The following FAF1 variants were observed in gnomAD, a reference collection of about 807,000 sequenced individuals.
FAF1 encodes the protein FAS-associated factor 1.
FAF1 carries 25 observed loss-of-function variants against 92.5 expected under a neutral mutation model. The observed-to-expected ratio is 0.27, with a 90% CI of 0.20 to 0.38. The LOEUF is 0.38. FAF1 is among the 10% of genes least tolerant of loss of function. The pLI is 1.00. For missense variants in FAF1, 636 were observed against 793.3 expected, an observed-to-expected ratio of 0.80 and a Z score of 2.38; for synonymous variants, 234 against 273.2, an observed-to-expected ratio of 0.86 and a Z score of 1.42.
At chr1:50,637,716 T>TGC (rs1454071300) in intron 8 of FAF1, among the ~76,000 whole-genome samples, 2 of 149,880 alleles carry the variant, frequency 1.3e-5, no homozygotes, top group African/African-American at 4.9e-5. Flanking sequence ...TGTGTGTGCG[T>TGC]GTGCATATGT....
intron 9 of FAF1, among the ~76,000 whole-genome samples, chr1:50,595,572 T>A (rs544866998): frequency 6.6e-6 from 1 of 152,088 alleles, no homozygotes; most frequent in East Asian, 2.0e-4. Flanking sequence ...AGATGCATTC[T>A]CATGCTGTTG....
intron 15 of FAF1, among the ~76,000 whole-genome samples, chr1:50,530,883 G>A (rs1648131105): frequency 6.6e-6 from 1 of 152,102 alleles, no homozygotes. Flanking sequence ...CAAACAGAAG[G>A]GGTATGATGG....
chr1:50,659,769 T>C lies in FAF1; in HGVS notation c.658-4241A>G, dbSNP rs567142652. 7.9e-5 allele frequency among the ~76,000 whole-genome samples: 12 copies of C among 152,332 alleles called. No individual in the cohort carries two copies. The South Asian group carries it at 2.3e-3, about 29-fold the overall frequency. Reference sequence around the variant, plus strand: ...CTGTATTTGGATCTAGAGTTCTAGATTGACAACAGATTTTCTAATTTGCAT... The same window carrying C: ...CTGTATTTGGATCTAGAGTTCTAGACTGACAACAGATTTTCTAATTTGCAT... On this transcript the variant is annotated intron_variant, in intron 7 of 18. Coordinates refer to ENST00000396153, the MANE Select transcript of FAF1 (RefSeq NM_007051.3).
At chr1:50,839,107 AAT>A (rs988609291) in intron 2 of FAF1, among the ~76,000 whole-genome samples, 21 of 152,238 alleles carry the variant, frequency 1.4e-4, no homozygotes, top group Middle Eastern at 3.4e-3. Flanking sequence ...CATAAAAATA[AAT>A]ATATGTTTAT....
intron 8 of FAF1, among the ~76,000 whole-genome samples, chr1:50,633,019 T>G (rs1243498422): frequency 1.3e-5 from 2 of 152,214 alleles, no homozygotes; most frequent in African/African-American, 4.8e-5. Flanking sequence ...ATTATTGCAA[T>G]GCTGAGAATA....
chr1:50,494,757 C>T (rs1322848454), intron 15 of FAF1, among the ~76,000 whole-genome samples: 1 of 152,198 alleles, frequency 6.6e-6, no homozygotes, highest in Non-Finnish European at 1.5e-5. Flanking sequence ...TTTCCTATAG[C>T]ATCTAGCATA....
At chr1:50,936,550 G>A (rs1012174115) in intron 1 of FAF1, among the ~76,000 whole-genome samples, 2 of 152,170 alleles carry the variant, frequency 1.3e-5, no homozygotes, top group Non-Finnish European at 2.9e-5. Context: ...AGAAGGCATA[G>A]GGCATATAAG....
intron 6 of FAF1, among the ~76,000 whole-genome samples, chr1:50,722,483 C>T (rs1658450613): frequency 6.6e-6 from 1 of 152,080 alleles, no homozygotes; most frequent in Admixed American, 6.6e-5. Context: ...TCGGTCTCTA[C>T]TAAAAATACA....
chr1:50,633,598 T>G (rs1317318652), intron 8 of FAF1, among the ~76,000 whole-genome samples: 1 of 152,228 alleles, frequency 6.6e-6, no homozygotes, highest in African/African-American at 2.4e-5. Flanking sequence ...GGCTTATCTC[T>G]GAGCTCTGTC....
At chr1:50,689,864 G>A (rs1253374317) in intron 7 of FAF1, among the ~76,000 whole-genome samples, 1 of 152,072 alleles carries the variant, frequency 6.6e-6, no homozygotes, top group East Asian at 1.9e-4. Flanking sequence ...TATGTAGGGA[G>A]AGGTAATACA....
At chr1:50,701,308 C>G (rs1048800910) in intron 7 of FAF1, among the ~76,000 whole-genome samples, 4 of 152,038 alleles carry the variant, frequency 2.6e-5, no homozygotes, top group African/African-American at 9.7e-5. Flanking sequence ...AATTTACCCT[C>G]TTGCATATGC....
chr1:50,705,811 A>C lies in FAF1; in HGVS notation c.632T>G (p.Phe211Cys). 6.2e-7 allele frequency: 1 copy of C among 1,607,968 alleles called. No individual in the cohort carries two copies. ...CTCTTGAATAGTACTGCTTCCTGAGAAGTTCAGGTTGTACTCCCGCTGGAC... is the reference window on the plus strand; with the variant it reads ...CTCTTGAATAGTACTGCTTCCTGAGCAGTTCAGGTTGTACTCCCGCTGGAC... ...REVQREYNLN[F>C]SGSSTIQEVK... is the part of the protein sequence containing the mutation. Residue 211 changes from phenylalanine (F) to cysteine (C), a missense_variant, in exon 7 of 19, where the codon TTC becomes TGC. This residue lies in a region of FAF1 where 317 missense variants were observed against 342.4 expected (regional missense o/e 0.93). Coordinates refer to ENST00000396153, the MANE Select transcript of FAF1 (RefSeq NM_007051.3).
At chr1:50,873,426 A>T (rs1430370585) in intron 1 of FAF1, among the ~76,000 whole-genome samples, 2 of 152,166 alleles carry the variant, frequency 1.3e-5, no homozygotes, top group African/African-American at 4.8e-5. Context: ...AAATTTTACT[A>T]GACATTATTT....
chr1:50,515,863 C>T (rs997657655), intron 15 of FAF1, among the ~76,000 whole-genome samples: 3 of 152,252 alleles, frequency 2.0e-5, no homozygotes, highest in Admixed American at 1.3e-4. Context: ...AGCCATTTGA[C>T]ACTTCCAAGC....
chr1:50,482,035 C>T (rs1025556278), intron 17 of FAF1, among the ~76,000 whole-genome samples: 2 of 152,134 alleles, frequency 1.3e-5, no homozygotes, highest in Non-Finnish European at 2.9e-5. Context: ...ACAGCAAACT[C>T]TATCCTTTTA....
At chr1:50,660,513 T>C (rs76975671) in intron 7 of FAF1, among the ~76,000 whole-genome samples, 57 of 151,242 alleles carry the variant, frequency 3.8e-4, no homozygotes, top group East Asian at 5.8e-4. Context: ...TTTTTTTTTT[T>C]CCCAAGACAG....
chr1:50,658,422 C>T (rs894052936), intron 7 of FAF1, among the ~76,000 whole-genome samples: 2 of 152,016 alleles, frequency 1.3e-5, no homozygotes, highest in Non-Finnish European at 2.9e-5. Flanking sequence ...CTTTGAATTC[C>T]ACCTTAATTC....
intron 4 of FAF1, among the ~76,000 whole-genome samples, chr1:50,765,389 C>A (rs1451548892): frequency 6.6e-6 from 1 of 152,042 alleles, no homozygotes; most frequent in Non-Finnish European, 1.5e-5. Context: ...TTTTCAAGGT[C>A]ATTTGGAAGG....
chr1:50,689,990 TTTC>T (rs1392739566), intron 7 of FAF1, among the ~76,000 whole-genome samples: 31 of 148,558 alleles, frequency 2.1e-4, no homozygotes, highest in Non-Finnish European at 3.7e-4. Context: ...TTACATTATA[TTTC>T]TTTTTTTTTT....
Sources: gnomAD v4.1 joint callset for allele counts (sites outside exome capture counted in the v4.1 genomes callset) on GRCh38, gnomAD v4.1.1 for gene constraint, gnomAD v4.1.1 regional missense constraint, MANE v1.5 for transcripts, NCBI Gene and HGNC (gene_info 2026-07-23, HGNC 2026-07-21) for gene names.